Variants in NOL4L observed in about 807,000 individuals in gnomAD.
NOL4L encodes nucleolar protein 4 like.
In NOL4L, 7 loss-of-function variants were observed where a neutral mutation model predicts 64.5. The observed-to-expected ratio is 0.11, with a 90% confidence interval of 0.06 to 0.20. The LOEUF (loss-of-function observed/expected upper bound fraction) is 0.20. Ranked by LOEUF, NOL4L falls within the 10% of genes least tolerant of loss-of-function variation. NOL4L has a pLI of 1.00. For missense variants in NOL4L, 680 were observed against 967.1 expected, an observed-to-expected ratio of 0.70 and a Z score of 3.94; for synonymous variants, 413 against 401.0, an observed-to-expected ratio of 1.03 and a Z score of -0.36.
chr20:32,537,848 G>A (rs1263859832), intron 1 of NOL4L, among the ~76,000 whole-genome samples: 2 of 151,240 alleles, frequency 1.3e-5, no homozygotes, highest in East Asian at 3.9e-4. Flanking sequence ...GCACCATCTC[G>A]GCTCACTGCA....
intron 4 of NOL4L, among the ~76,000 whole-genome samples, chr20:32,487,884 CA>C: frequency 6.6e-6 from 1 of 152,016 alleles, no homozygotes; most frequent in East Asian, 1.9e-4. Context: ...CCTCTCTAAG[CA>C]ACAGTTTATT....
chr20:32,565,313 C>T (rs747057340), intron 1 of NOL4L, among the ~76,000 whole-genome samples: 4 of 152,162 alleles, frequency 2.6e-5, no homozygotes, highest in South Asian at 2.1e-4. Flanking sequence ...TGCCTGCCTG[C>T]GGCCTGAGCT....
chr20:32,578,140 G>GAAGGAAGGAAGGAAGGA (rs201607781), intron 1 of NOL4L, among the ~76,000 whole-genome samples: 1 of 102,614 alleles, frequency 9.7e-6, no homozygotes, highest in African/African-American at 5.5e-5. Context: ...AGGAAGGAAG[G>GAAGGAAGGAAGGAAGGA]AGGGAGGGAG....
At chr20:32,546,599 G>T (rs1600863594) in intron 1 of NOL4L, among the ~76,000 whole-genome samples, 1 of 152,172 alleles carries the variant, frequency 6.6e-6, no homozygotes, top group East Asian at 1.9e-4. Context: ...CACCATCCCT[G>T]GCTAATTTTG....
At chr20:32,569,838 A>T (rs1009848178) in intron 1 of NOL4L, among the ~76,000 whole-genome samples, 1 of 152,192 alleles carries the variant, frequency 6.6e-6, no homozygotes, top group Non-Finnish European at 1.5e-5. Context: ...GTGCTCTGGC[A>T]ATCTTTATGG....
intron 4 of NOL4L, among the ~76,000 whole-genome samples, chr20:32,503,755 T>C (rs547559709): frequency 6.6e-6 from 1 of 152,266 alleles, no homozygotes; most frequent in African/African-American, 2.4e-5. Context: ...CCTCCTCACC[T>C]CCCCAATGGC....
At chr20:32,490,063 A>G (rs1236068993) in intron 4 of NOL4L, among the ~76,000 whole-genome samples, 1 of 142,670 alleles carries the variant, frequency 7.0e-6, no homozygotes, top group Non-Finnish European at 1.5e-5. Context: ...CAGGAAGGGG[A>G]GGCTGCAGTA....
intron 1 of NOL4L, among the ~76,000 whole-genome samples, chr20:32,580,304 C>T (rs1264780007): frequency 6.6e-6 from 1 of 152,092 alleles, no homozygotes; most frequent in Non-Finnish European, 1.5e-5. Context: ...GTAGGTGACC[C>T]CCGAAACAGC....
intron 1 of NOL4L, among the ~76,000 whole-genome samples, chr20:32,566,379 AT>A (rs1311081730): frequency 6.6e-6 from 1 of 151,972 alleles, no homozygotes; most frequent in Non-Finnish European, 1.5e-5. Flanking sequence ...CTTTTAAGAT[AT>A]GGGCAGCAAG....
intron 1 of NOL4L, chr20:32,536,440 G>C: frequency 2.3e-6 from 1 of 426,750 alleles, no homozygotes. Context: ...GCGCGCGCTG[G>C]GGCCGAGCTG....
At chr20:32,491,684 G>A (rs1020487107) in intron 4 of NOL4L, among the ~76,000 whole-genome samples, 1 of 152,186 alleles carries the variant, frequency 6.6e-6, no homozygotes, top group African/African-American at 2.4e-5. Flanking sequence ...CTCCCATGGG[G>A]CATGCACATG....
At chr20:32,499,037 G>A (rs1223847909) in intron 4 of NOL4L, among the ~76,000 whole-genome samples, 34 of 151,812 alleles carry the variant, frequency 2.2e-4, no homozygotes, top group Admixed American at 2.2e-3. Flanking sequence ...CTGCCACCAC[G>A]CCAGCTAATT....
At chr20:32,533,685 G>A (rs1369234198) in intron 1 of NOL4L, among the ~76,000 whole-genome samples, 1 of 152,184 alleles carries the variant, frequency 6.6e-6, no homozygotes, top group East Asian at 1.9e-4. Context: ...GAGCAGGAAC[G>A]CCCTGCATCC....
At chr20:32,461,768 A>G (rs1257116057) in intron 5 of NOL4L, among the ~76,000 whole-genome samples, 1 of 149,376 alleles carries the variant, frequency 6.7e-6, no homozygotes, top group African/African-American at 2.5e-5. Context: ...TGCTTGGAAG[A>G]AATTACCTAT....
chr20:32,572,008 C>T (rs1051811597), intron 1 of NOL4L, among the ~76,000 whole-genome samples: 1 of 152,220 alleles, frequency 6.6e-6, no homozygotes, highest in Non-Finnish European at 1.5e-5. Flanking sequence ...AAGGTTGGCA[C>T]CCTCTGCCAG....
Position 32,460,408 on chromosome 20 carries a change from C to G in NOL4L, c.842-4013G>C, listed in dbSNP as rs1022907881. Among the ~76,000 whole-genome samples, 3 of 152,198 alleles carry G rather than the reference C, an allele frequency of 2.0e-5. No individual in the cohort carries two copies. Among genetic ancestry groups the G allele is most frequent in the Non-Finnish European group, 4.4e-5 (3 of 68,044 alleles). On this transcript the variant is annotated intron_variant, in intron 5 of 10. Coordinates refer to ENST00000621426, the MANE Select transcript of NOL4L (RefSeq NM_001256798.2). This position sits in a 1 kb window ranked among gnomAD's most constrained non-coding sequence, Gnocchi z 5.7. Reference sequence around the variant, plus strand: ...GCAGCCCCGGCATGCCAGCCCCCACCCCACACAGCTGCCCCCGCGCCACAT... The same window carrying G: ...GCAGCCCCGGCATGCCAGCCCCCACGCCACACAGCTGCCCCCGCGCCACAT...
chr20:32,501,784 T>G (rs904864586), intron 4 of NOL4L, among the ~76,000 whole-genome samples: 3 of 152,060 alleles, frequency 2.0e-5, no homozygotes, highest in Non-Finnish European at 4.4e-5. Flanking sequence ...AAGAAAAAAT[T>G]GATACATCTG....
chr20:32,473,843 C>T (rs1409235854), intron 5 of NOL4L, among the ~76,000 whole-genome samples: 1 of 152,218 alleles, frequency 6.6e-6, no homozygotes, highest in Non-Finnish European at 1.5e-5. Flanking sequence ...ACCATCTCCT[C>T]CACGGAAACA....
At chr20:32,495,789 C>G (rs547712579) in intron 4 of NOL4L, among the ~76,000 whole-genome samples, 1 of 152,048 alleles carries the variant, frequency 6.6e-6, no homozygotes, top group East Asian at 1.9e-4. Context: ...AGACCCCATC[C>G]CTACAAAAAA....
Sources: gnomAD v4.1 joint callset for allele counts (sites outside exome capture counted in the v4.1 genomes callset) on GRCh38, gnomAD v4.1.1 for gene constraint, Gnocchi (gnomAD v3.1) non-coding constraint, MANE v1.5 for transcripts, NCBI Gene and HGNC (gene_info 2026-07-23, HGNC 2026-07-21) for gene names.